Variants in EXOC6B observed in about 807,000 individuals in gnomAD.
The protein encoded by EXOC6B is SEC15 homolog B.
A neutral mutation model predicts 113.5 loss-of-function variants in EXOC6B; 54 were observed. The observed-to-expected ratio is 0.48, with a 90% CI of 0.38 to 0.60. The LOEUF is 0.60. Ranked by LOEUF, EXOC6B falls within the 20% of genes least tolerant of loss-of-function variation. The probability of loss-of-function intolerance (pLI) is 0.00; values close to 1 mark genes in which losing one functional copy is unlikely to be tolerated. For synonymous variants in EXOC6B, 357 were observed against 339.0 expected (o/e 1.05, Z -0.58); for missense variants, 797 against 977.5 (o/e 0.82, Z 2.46).
At chr2:72,618,942 C>A (rs1177770010) in intron 6 of EXOC6B, among the ~76,000 whole-genome samples, 1 of 152,158 alleles carries the variant, frequency 6.6e-6, no homozygotes, top group Admixed American at 6.5e-5. Flanking sequence ...CCCTTGATAA[C>A]AGGAACTGAT....
chr2:72,431,426 G>A lies in EXOC6B; in HGVS notation c.1980+33734C>T, dbSNP rs193241203. 9.2e-5 allele frequency among the ~76,000 whole-genome samples: 14 copies of A among 152,070 alleles called. No homozygotes were observed. In the East Asian group the frequency reaches 2.7e-3, roughly 29 times the overall value. ...TCTTGGGCTAAAGCAATCTTCCTGTGTCAGCCGCCTGGAGAGCTGGGAGTA... is the reference window on the plus strand; with the variant it reads ...TCTTGGGCTAAAGCAATCTTCCTGTATCAGCCGCCTGGAGAGCTGGGAGTA... On this transcript the variant is annotated intron_variant, in intron 18 of 21. Coordinates refer to ENST00000272427, the MANE Select transcript of EXOC6B (RefSeq NM_015189.3).
rs143677975 is a variant in EXOC6B at position 72,769,936 on chromosome 2, T to C, written c.114-28467A>G. The stretch of plus-strand genomic sequence containing the variant: ...AGTATCAGACTTCTCCACAGCAACA[T>C]TGAACACCAGAAGACAAGATACTCA... On this transcript the variant is annotated intron_variant, in intron 1 of 21. Transcript: ENST00000272427. Among the ~76,000 whole-genome samples the C allele has an allele frequency of 3.8e-3, 579 of 152,122 alleles. 6 individuals carry two copies. The highest frequency in any genetic ancestry group is 0.013 in the African/African-American group (557 of 41,522).
intron 20 of EXOC6B, among the ~76,000 whole-genome samples, chr2:72,286,868 C>A (rs879617368): frequency 2.0e-5 from 3 of 151,804 alleles, no homozygotes; most frequent in Admixed American, 1.3e-4. Flanking sequence ...GAAAAGAGTA[C>A]CCTACTAAAT....
At chr2:72,370,083 A>G (rs986839102) in intron 19 of EXOC6B, among the ~76,000 whole-genome samples, 3 of 152,184 alleles carry the variant, frequency 2.0e-5, no homozygotes, top group African/African-American at 7.2e-5. Context: ...CAACCTACAG[A>G]ATGGGAAACA....
chr2:72,419,268 G>A (rs549365020), intron 18 of EXOC6B, among the ~76,000 whole-genome samples: 1 of 152,146 alleles, frequency 6.6e-6, no homozygotes. Flanking sequence ...TTAGCTTTTA[G>A]ACTAACAATT....
chr2:72,193,753 G>A (rs1678995059), intron 20 of EXOC6B, among the ~76,000 whole-genome samples: 1 of 152,132 alleles, frequency 6.6e-6, no homozygotes, highest in African/African-American at 2.4e-5. Flanking sequence ...TCTCAGGAGT[G>A]CTTTGGGAAT....
chr2:72,274,164 A>G (rs191546852), intron 20 of EXOC6B, among the ~76,000 whole-genome samples: 3 of 152,320 alleles, frequency 2.0e-5, no homozygotes, highest in Admixed American at 2.0e-4. Flanking sequence ...GAGAACATGT[A>G]CCAGACATTG....
intron 20 of EXOC6B, among the ~76,000 whole-genome samples, chr2:72,191,476 A>G (rs1409818236): frequency 6.6e-6 from 1 of 152,202 alleles, no homozygotes; most frequent in Non-Finnish European, 1.5e-5. Flanking sequence ...ACTCCCCAAG[A>G]TGCCACAGCT....
At chr2:72,783,302 C>A in intron 1 of EXOC6B, among the ~76,000 whole-genome samples, 2 of 142,456 alleles carry the variant, frequency 1.4e-5, no homozygotes, top group African/African-American at 5.1e-5. Flanking sequence ...ACCTGTTGGT[C>A]ACTTCTTTTT....
chr2:72,633,200 A>G (rs889210289), intron 6 of EXOC6B, among the ~76,000 whole-genome samples: 14 of 152,202 alleles, frequency 9.2e-5, no homozygotes, highest in African/African-American at 3.4e-4. Flanking sequence ...CATCAGGTGG[A>G]GGCACGAGGA....
intron 1 of EXOC6B, among the ~76,000 whole-genome samples, chr2:72,756,482 A>T (rs917801275): frequency 2.0e-5 from 3 of 152,212 alleles, no homozygotes; most frequent in African/African-American, 4.8e-5. Context: ...GTACCAACTC[A>T]TATGAAAAGC....
chr2:72,760,360 AG>A (rs1682669284), intron 1 of EXOC6B, among the ~76,000 whole-genome samples: 1 of 152,238 alleles, frequency 6.6e-6, no homozygotes, highest in African/African-American at 2.4e-5. Flanking sequence ...ACAGACTTAG[AG>A]GAAGACTTCA....
chr2:72,429,812 A>G (rs1409192879), intron 18 of EXOC6B, among the ~76,000 whole-genome samples: 1 of 152,216 alleles, frequency 6.6e-6, no homozygotes, highest in Non-Finnish European at 1.5e-5. Flanking sequence ...CAACATGTCA[A>G]TGGTGCCAAG....
intron 20 of EXOC6B, among the ~76,000 whole-genome samples, chr2:72,261,294 T>C (rs150231686): frequency 1.2e-3 from 177 of 152,310 alleles, no homozygotes; most frequent in Non-Finnish European, 2.2e-3. Flanking sequence ...CGTGATCATA[T>C]CAGAGACTGA....
At chr2:72,692,985 T>C (rs1336570144) in intron 6 of EXOC6B, among the ~76,000 whole-genome samples, 1 of 152,116 alleles carries the variant, frequency 6.6e-6, no homozygotes, top group Non-Finnish European at 1.5e-5. Context: ...TAAAGAAGAT[T>C]AAGTCAAAAA....
At chr2:72,297,094 A>G (rs1021221004) in intron 20 of EXOC6B, among the ~76,000 whole-genome samples, 1 of 152,226 alleles carries the variant, frequency 6.6e-6, no homozygotes, top group Non-Finnish European at 1.5e-5. Flanking sequence ...CTTCAAGATG[A>G]AAAGATAATT....
chr2:72,422,688 C>T (rs1310447926), intron 18 of EXOC6B, among the ~76,000 whole-genome samples: 1 of 151,452 alleles, frequency 6.6e-6, no homozygotes, highest in East Asian at 1.9e-4. Flanking sequence ...ATGTCTAGCT[C>T]AGGGATTGTA....
chr2:72,206,398 A>G (rs1679841444), intron 20 of EXOC6B, among the ~76,000 whole-genome samples: 1 of 152,188 alleles, frequency 6.6e-6, no homozygotes, highest in Non-Finnish European at 1.5e-5. Flanking sequence ...CTTCTTAAGT[A>G]CCCATCTCCT....
At chr2:72,212,630 T>G (rs1429597735) in intron 20 of EXOC6B, among the ~76,000 whole-genome samples, 1 of 152,152 alleles carries the variant, frequency 6.6e-6, no homozygotes, top group African/African-American at 2.4e-5. Flanking sequence ...TCCTTCCAGG[T>G]TTTTCCTCAC....
Sources: allele counts gnomAD v4.1 joint callset (sites outside exome capture counted in the v4.1 genomes callset), GRCh38; gene constraint gnomAD v4.1.1; transcripts MANE v1.5; gene names NCBI Gene and HGNC (gene_info 2026-07-23, HGNC 2026-07-21).